Variants in CDH11 observed in about 807,000 individuals in gnomAD.
CDH11 encodes cadherin 11.
CDH11 carries 11 observed loss-of-function variants against 67.8 expected under a neutral mutation model. The observed-to-expected ratio is 0.16, with a 90% CI of 0.10 to 0.27. The LOEUF (loss-of-function observed/expected upper bound fraction) is 0.27. CDH11 is among the 10% of genes least tolerant of loss of function. CDH11 has a pLI of 1.00. For missense variants in CDH11, 847 were observed against 1,031.2 expected (o/e 0.82, Z 2.45); for synonymous variants, 419 against 400.0 (o/e 1.05, Z -0.57).
At chr16:65,081,459 C>T (rs767703646) in intron 1 of CDH11, among the ~76,000 whole-genome samples, 19 of 151,972 alleles carry the variant, frequency 1.3e-4, no homozygotes, top group African/African-American at 4.1e-4. Context: ...GTCCCAGCTA[C>T]GCGGGAGGCT....
At chr16:65,120,571 A>G (rs988339744) in intron 1 of CDH11, among the ~76,000 whole-genome samples, 2 of 152,210 alleles carry the variant, frequency 1.3e-5, no homozygotes, top group African/African-American at 2.4e-5. Flanking sequence ...ACCCTCATAC[A>G]GCCGGGTTTC....
At chr16:65,040,406 C>T (rs9746754) in intron 2 of CDH11, among the ~76,000 whole-genome samples, 2 of 152,052 alleles carry the variant, frequency 1.3e-5, no homozygotes, top group African/African-American at 2.4e-5. Flanking sequence ...TCCTTTGTAG[C>T]GACGTGGATG....
At chr16:64,985,671 A>G (rs1050742257) in intron 7 of CDH11, 1 of 151,308 alleles carries the variant, frequency 6.6e-6, no homozygotes, top group Non-Finnish European at 1.5e-5. Flanking sequence ...CTCCAGGGCT[A>G]TTAGGCAATG....
intron 10 of CDH11, 66 bp downstream of exon 10, chr16:64,971,865 G>A: frequency 6.4e-7 from 1 of 1,566,564 alleles, no homozygotes; most frequent in Non-Finnish European, 8.8e-7. Flanking sequence ...CCAAGTGATG[G>A]TTTAAAAAAC....
At chr16:65,019,330 A>G (rs1301641662) in intron 2 of CDH11, among the ~76,000 whole-genome samples, 1 of 152,228 alleles carries the variant, frequency 6.6e-6, no homozygotes, top group African/African-American at 2.4e-5. Flanking sequence ...ATCTAAAACA[A>G]TAACTCAAAA....
chr16:65,118,230 A>G (rs2075276154), intron 1 of CDH11, among the ~76,000 whole-genome samples: 2 of 152,126 alleles, frequency 1.3e-5, no homozygotes, highest in South Asian at 4.1e-4. Context: ...CAAGGCTCTC[A>G]ATGTCAGGGT....
intron 1 of CDH11, among the ~76,000 whole-genome samples, chr16:65,114,426 T>C (rs899575237): frequency 6.6e-6 from 1 of 152,018 alleles, no homozygotes; most frequent in Non-Finnish European, 1.5e-5. Context: ...CCAGCTTTCC[T>C]TCTCCCCAGA....
chr16:64,949,208 CTTAT>C (rs2071282964), intron 12 of CDH11, among the ~76,000 whole-genome samples: 1 of 152,160 alleles, frequency 6.6e-6, no homozygotes, highest in Non-Finnish European at 1.5e-5. Context: ...TGGCCCCGTT[CTTAT>C]CCTTATTATA....
intron 1 of CDH11, among the ~76,000 whole-genome samples, chr16:65,063,672 T>A (rs2074267476): frequency 6.6e-6 from 1 of 152,158 alleles, no homozygotes; most frequent in East Asian, 1.9e-4. Context: ...TATAAAGATA[T>A]ATAATAGTAT....
chr16:65,079,317 A>T (rs1364426800), intron 1 of CDH11, among the ~76,000 whole-genome samples: 1 of 152,164 alleles, frequency 6.6e-6, no homozygotes, highest in Non-Finnish European at 1.5e-5. Context: ...GGGAAATATT[A>T]TTTTTAAATG....
Position 65,089,907 on chromosome 16 carries a change from T to C in CDH11, c.-298+31973A>G, listed in dbSNP as rs35841513. Among the ~76,000 whole-genome samples the C allele has an allele frequency of 1.1e-4, 17 of 152,300 alleles. No individual in the cohort carries two copies. The South Asian group carries it at 3.5e-3, about 32-fold the overall frequency. On this transcript the variant is annotated intron_variant, in intron 1 of 12. Transcript: ENST00000268603. ...AGCCAACATTTTGCATTTATTATTG[T>C]ATTTATTTTCAATAATAATATATTA...
chr16:65,036,418 C>T (rs560147632), intron 2 of CDH11, among the ~76,000 whole-genome samples: 13 of 152,028 alleles, frequency 8.6e-5, no homozygotes, highest in Non-Finnish European at 1.8e-4. Context: ...TAGGAAGGTG[C>T]CTGCCATGTT....
intron 1 of CDH11, among the ~76,000 whole-genome samples, chr16:65,057,123 C>T (rs368778781): frequency 3.3e-4 from 50 of 152,276 alleles, no homozygotes; most frequent in African/African-American, 1.0e-3. Context: ...GATGGCTGTG[C>T]GGGCTATAGT....
chr16:65,113,167 T>C (rs767197116), intron 1 of CDH11, among the ~76,000 whole-genome samples: 7 of 151,716 alleles, frequency 4.6e-5, no homozygotes, highest in Non-Finnish European at 5.9e-5. Flanking sequence ...GTGCCTATAG[T>C]CTCAGCCACT....
intron 1 of CDH11, among the ~76,000 whole-genome samples, chr16:65,090,786 C>A (rs1006433919): frequency 4.6e-5 from 7 of 152,092 alleles, no homozygotes; most frequent in Non-Finnish European, 8.8e-5. Flanking sequence ...ATTTTTAAAT[C>A]CAAAGTTCTG....
intron 1 of CDH11, among the ~76,000 whole-genome samples, chr16:65,082,978 T>A (rs2074636584): frequency 1.3e-5 from 2 of 152,188 alleles, no homozygotes; most frequent in African/African-American, 4.8e-5. Context: ...GTAGTAGGGC[T>A]TGGCACATGG....
At chr16:65,059,950 T>C (rs546946751) in intron 1 of CDH11, among the ~76,000 whole-genome samples, 1 of 152,304 alleles carries the variant, frequency 6.6e-6, no homozygotes, top group South Asian at 2.1e-4. Context: ...CTGTATTTCT[T>C]GCCCAAATTA....
chr16:64,947,504 T>A lies in CDH11; in HGVS notation c.*99A>T, dbSNP rs996219461. 6.6e-7 allele frequency: 1 copy of A among 1,512,890 alleles called. No homozygotes were observed. The highest frequency in any genetic ancestry group is 8.8e-7 in the Non-Finnish European group (1 of 1,133,982). 93.7% of individuals were successfully genotyped at this position (1,512,890 alleles called of 1,614,324 possible). The stretch of plus-strand genomic sequence containing the variant: ...TCTGTAAAACTTTGCCTGTTTTAAA[T>A]GAGCCTTTCCTTGATTTAAAAAAAT... On this transcript the variant is annotated 3_prime_UTR_variant, in exon 13 of 13. Transcript: ENST00000268603.
chr16:64,979,195 A>G (rs1456199678), intron 8 of CDH11, among the ~76,000 whole-genome samples: 1 of 152,248 alleles, frequency 6.6e-6, no homozygotes, highest in Non-Finnish European at 1.5e-5. Context: ...CATGCGTGTA[A>G]TTCCAGCACT....
Sources: gnomAD v4.1 joint callset for allele counts (sites outside exome capture counted in the v4.1 genomes callset) on GRCh38, gnomAD v4.1.1 for gene constraint, MANE v1.5 for transcripts, NCBI Gene and HGNC (gene_info 2026-07-23, HGNC 2026-07-21) for gene names.